Variants in C6orf52 observed in about 807,000 individuals in gnomAD.
C6orf52 encodes putative uncharacterized protein C6orf52.
A neutral mutation model predicts 16.6 loss-of-function variants in C6orf52; 16 were observed. That is an observed-to-expected ratio of 0.96 (90% CI 0.65 to 1.46). The LOEUF (loss-of-function observed/expected upper bound fraction) is 1.46, where lower values mean the gene tolerates loss of function less well. Among genes scored for constraint, C6orf52 ranks in the 40% most tolerant of loss-of-function variants. C6orf52 has a pLI of 0.00. For missense variants in C6orf52, 166 were observed against 182.3 expected (o/e 0.91, Z 0.52); for synonymous variants, 53 against 61.4 (o/e 0.86, Z 0.64).
chr6:10,673,087 G>T (rs1767569089), intron 4 of C6orf52, among the ~76,000 whole-genome samples: 1 of 152,196 alleles, frequency 6.6e-6, no homozygotes, highest in South Asian at 2.1e-4. Flanking sequence ...GGTCATAAAA[G>T]TAGATGTTTC....
intron 1 of C6orf52, among the ~76,000 whole-genome samples, chr6:10,691,871 A>G (rs550114546): frequency 8.0e-4 from 121 of 152,140 alleles, no homozygotes; most frequent in Non-Finnish European, 1.6e-3. Flanking sequence ...ACTTTGAGTT[A>G]TGTTCATGGT....
At chr6:10,689,081 G>A (rs2127470926) in intron 1 of C6orf52, among the ~76,000 whole-genome samples, 1 of 152,358 alleles carries the variant, frequency 6.6e-6, no homozygotes. Flanking sequence ...AGGTGCAAGT[G>A]ATTCTCCTGC....
At chr6:10,686,172 A>G (rs892144089) in intron 3 of C6orf52, among the ~76,000 whole-genome samples, 3 of 152,138 alleles carry the variant, frequency 2.0e-5, no homozygotes, top group African/African-American at 7.2e-5. Context: ...CTGGGACTAC[A>G]TGTGTGAGCC....
intron 1 of C6orf52, among the ~76,000 whole-genome samples, chr6:10,690,949 G>A (rs1297825200): frequency 6.6e-6 from 1 of 152,144 alleles, no homozygotes; most frequent in African/African-American, 2.4e-5. Flanking sequence ...ATGAAAATCC[G>A]CAATCTAAGA....
Position 10,675,599 on chromosome 6 carries a change from C to A in C6orf52, c.317-4001G>T, listed in dbSNP as rs919468766. Among the ~76,000 whole-genome samples the A allele has an allele frequency of 3.3e-5, 5 of 152,136 alleles. 1 individual carries two copies. In the South Asian group the frequency reaches 8.3e-4, roughly 25 times the overall value. On this transcript the variant is annotated intron_variant, in intron 4 of 4. Coordinates refer to ENST00000259983, the MANE Select transcript of C6orf52 (RefSeq NM_001145020.3). ...CTCTACTGTTAATAATTTGAGGAAA[C>A]GCCATACTTTTTATAACTGCTGTAC...
At chr6:10,686,287 A>C (rs959073809) in intron 3 of C6orf52, among the ~76,000 whole-genome samples, 1 of 152,196 alleles carries the variant, frequency 6.6e-6, no homozygotes, top group African/African-American at 2.4e-5. Context: ...TTCTTGCCCA[A>C]ATCATCCCCT....
At chr6:10,687,341 A>G in intron 2 of C6orf52, 139 bp downstream of exon 2, 2 of 780,266 alleles carry the variant, frequency 2.6e-6, no homozygotes, top group Non-Finnish European at 4.2e-6. Flanking sequence ...GTGTATACCT[A>G]TGTAAAAAAC....
At chr6:10,676,242 A>C (rs12662699) in intron 4 of C6orf52, among the ~76,000 whole-genome samples, 3,467 of 152,278 alleles carry the variant, frequency 0.023, 108 homozygotes, top group African/African-American at 0.068. Context: ...GACCTGAATA[A>C]TCAGGTTATT....
At chr6:10,687,727 C>T (rs945126389) in intron 1 of C6orf52, among the ~76,000 whole-genome samples, 166 bp from the exon 2 acceptor site, 7 of 150,504 alleles carry the variant, frequency 4.7e-5, no homozygotes, top group Non-Finnish European at 1.0e-4. Flanking sequence ...TTCCTGACAA[C>T]GGGGCAAAGG....
At position 10,694,573 on chromosome 6, in the gene C6orf52, G is replaced by C. The variant is rs1417343356; in HGVS notation, c.-91C>G. The C allele has an allele frequency of 5.4e-6, 1 of 186,662 alleles. No homozygotes were observed. Among genetic ancestry groups the C allele is most frequent in the Non-Finnish European group, 1.2e-5 (1 of 85,728 alleles). 11.6% of individuals were successfully genotyped at this position (186,662 alleles called of 1,614,324 possible). ...CTACTAGTACACAGCCCACAACAAT[G>C]CACGCTGCCGGCGCTACAGCCCCTA... On this transcript the variant is annotated 5_prime_UTR_variant, in exon 1 of 5. Transcript: ENST00000259983.
At chr6:10,694,253 T>TC (rs1327494617) in intron 1 of C6orf52, among the ~76,000 whole-genome samples, 3 of 82,324 alleles carry the variant, frequency 3.6e-5, no homozygotes, top group African/African-American at 2.0e-4. Flanking sequence ...AGAGCGAAAC[T>TC]CCGTCTCAAA....
Position 10,694,600 on chromosome 6 carries a change from G to T in C6orf52, c.-118C>A. The T allele has an allele frequency of 4.0e-5, 7 of 173,890 alleles. No individual in the cohort carries two copies. Among genetic ancestry groups the T allele is most frequent in the Admixed American group, 1.2e-4 (2 of 16,470 alleles). The allele number at this position is 173,890 out of a possible 1,614,324, so 10.8% of individuals were successfully genotyped here. A position where few individuals can be genotyped will look rare whatever the true frequency, so the allele number is the denominator to read the frequency against. On this transcript the variant is annotated 5_prime_UTR_variant, in exon 1 of 5. Coordinates refer to ENST00000259983, the MANE Select transcript of C6orf52 (RefSeq NM_001145020.3). The stretch of plus-strand genomic sequence containing the variant: ...ACGCTGCCGGCGCTACAGCCCCTAA[G>T]CAACCGGCCGGAAGTCGGCCCCACC...
intron 1 of C6orf52, among the ~76,000 whole-genome samples, chr6:10,690,921 TTTGTC>T (rs1347340036): frequency 2.7e-5 from 4 of 150,496 alleles, no homozygotes; most frequent in African/African-American, 1.0e-4. Flanking sequence ...ATAATTCTCT[TTTGTC>T]TTTCTTCAGA....
intron 4 of C6orf52, among the ~76,000 whole-genome samples, chr6:10,674,314 A>G (rs1767680443): frequency 6.6e-6 from 1 of 152,194 alleles, no homozygotes; most frequent in African/African-American, 2.4e-5. Flanking sequence ...GAGGGGGAGG[A>G]ACACAAATTC....
Position 10,694,591 on chromosome 6 carries a change from AGCCCC to A in C6orf52, c.-114_-110del. The A allele has an allele frequency of 5.6e-6, 1 of 180,128 alleles. No individual in the cohort carries two copies. Among genetic ancestry groups the A allele is most frequent in the South Asian group, 9.4e-5 (1 of 10,586 alleles). The allele number at this position is 180,128 out of a possible 1,614,324, so 11.2% of individuals were successfully genotyped here. Reference sequence around the variant, plus strand: ...CAACAATGCACGCTGCCGGCGCTACAGCCCCTAAGCAACCGGCCGGAAGTCGGCCC... The same window carrying A: ...CAACAATGCACGCTGCCGGCGCTACATAAGCAACCGGCCGGAAGTCGGCCC... On this transcript the variant is annotated 5_prime_UTR_variant, in exon 1 of 5. It adds an upstream start codon to the 5' untranslated region. Coordinates refer to ENST00000259983, the MANE Select transcript of C6orf52 (RefSeq NM_001145020.3).
intron 3 of C6orf52, 38 bp downstream of exon 3, chr6:10,686,928 C>A: frequency 7.1e-7 from 1 of 1,399,946 alleles, no homozygotes. Context: ...TATTATTGGG[C>A]ACACGAATGA....
chr6:10,688,934 C>T (rs997866097), intron 1 of C6orf52, among the ~76,000 whole-genome samples: 9 of 152,230 alleles, frequency 5.9e-5, no homozygotes, highest in Non-Finnish European at 1.2e-4. Flanking sequence ...GCCTCAACCT[C>T]CCCAGTAGCT....
chr6:10,675,499 G>A (rs903027609), intron 4 of C6orf52, among the ~76,000 whole-genome samples: 2 of 152,220 alleles, frequency 1.3e-5, no homozygotes, highest in Non-Finnish European at 2.9e-5. Context: ...CGGAGGTACA[G>A]ATGTCTCTTT....
intron 1 of C6orf52, among the ~76,000 whole-genome samples, chr6:10,691,067 GCT>G (rs1441754907): frequency 1.3e-5 from 2 of 152,166 alleles, no homozygotes; most frequent in Non-Finnish European, 2.9e-5. Context: ...AGCATTGCTG[GCT>G]CTGTTATTTA....
Sources: gnomAD v4.1 joint callset for allele counts (sites outside exome capture counted in the v4.1 genomes callset) on GRCh38, gnomAD v4.1.1 for gene constraint, MANE v1.5 for transcripts, NCBI Gene and HGNC (gene_info 2026-07-23, HGNC 2026-07-21) for gene names.